PDE1A: variants seen among roughly 807,000 people sequenced by gnomAD.
PDE1A encodes the protein dual specificity calcium/calmodulin-dependent 3',5'-cyclic nucleotide phosphodiesterase 1A.
In PDE1A, 35 loss-of-function variants were observed where a neutral mutation model predicts 61.7. The observed-to-expected ratio is 0.57, with a 90% CI of 0.43 to 0.75. The LOEUF is 0.75. Ranked by LOEUF, PDE1A falls within the 30% of genes least tolerant of loss-of-function variation. PDE1A has a pLI of 0.00. For synonymous variants in PDE1A, 232 were observed against 213.2 expected (o/e 1.09, Z -0.77); for missense variants, 597 against 630.6 (o/e 0.95, Z 0.57).
At chr2:182,239,405 A>G (rs1450080748) in intron 3 of PDE1A, among the ~76,000 whole-genome samples, 1 of 152,130 alleles carries the variant, frequency 6.6e-6, no homozygotes, top group Non-Finnish European at 1.5e-5. Context: ...CAAACATAAA[A>G]TGTCTATTTT....
chr2:182,536,299 T>G, the PDE1A span, among the ~76,000 whole-genome samples: 5 of 152,220 alleles, frequency 3.3e-5, no homozygotes, highest in African/African-American at 1.2e-4. Flanking sequence ...TTTAGGAAAA[T>G]TTTAGTATAT....
chr2:182,516,743 A>AGGAAGGAAGGAAGGAAGGAAGG (rs57365248), intron 2 of PDE1A, among the ~76,000 whole-genome samples: 1 of 121,698 alleles, frequency 8.2e-6, no homozygotes, highest in Non-Finnish European at 1.8e-5. Context: ...GAAGGAAGGA[A>AGGAAGGAAGGAAGGAAGGAAGG]AAAGAGAGAA....
chr2:182,450,664 C>CT (rs1685450555), intron 2 of PDE1A, among the ~76,000 whole-genome samples: 1 of 151,068 alleles, frequency 6.6e-6, no homozygotes, highest in African/African-American at 2.4e-5. Flanking sequence ...CTATTGTTTT[C>CT]TTTTTCAAAT....
chr2:182,656,762 C>A, the PDE1A span, among the ~76,000 whole-genome samples: 6 of 152,152 alleles, frequency 3.9e-5, no homozygotes, highest in Admixed American at 1.3e-4. Context: ...TTCAAAACTA[C>A]ATGCTGGTAT....
At chr2:182,469,087 C>T (rs1381930603) in intron 2 of PDE1A, among the ~76,000 whole-genome samples, 1 of 151,902 alleles carries the variant, frequency 6.6e-6, no homozygotes, top group Non-Finnish European at 1.5e-5. Context: ...TGAGCACTGG[C>T]TCTAACTTAA....
chr2:182,669,811 GC>G, the PDE1A span, among the ~76,000 whole-genome samples: 1 of 152,196 alleles, frequency 6.6e-6, no homozygotes, highest in Non-Finnish European at 1.5e-5. Flanking sequence ...CCCTGAAAAT[GC>G]TCCCATATGG....
At chr2:182,592,698 G>A in the PDE1A span, among the ~76,000 whole-genome samples, 4 of 152,212 alleles carry the variant, frequency 2.6e-5, no homozygotes, top group African/African-American at 7.2e-5. Context: ...CAGCCACATG[G>A]AGGTGTTTTG....
the PDE1A span, among the ~76,000 whole-genome samples, chr2:182,614,418 T>C: frequency 3.3e-5 from 5 of 152,186 alleles, no homozygotes; most frequent in Non-Finnish European, 5.9e-5. Context: ...ATATAAACTC[T>C]ATAAATTTTA....
At chr2:182,234,531 A>C (rs1689853925) in intron 3 of PDE1A, 33 bp from the exon 4 acceptor site, 1 of 1,349,696 alleles carries the variant, frequency 7.4e-7, no homozygotes, top group Non-Finnish European at 1.0e-6. Context: ...TAAATATAAA[A>C]TTCATTTATT....
chr2:182,388,301 A>T (rs1424442186), intron 1 of PDE1A, among the ~76,000 whole-genome samples: 1 of 152,192 alleles, frequency 6.6e-6, no homozygotes. Context: ...AGAAGGAAAC[A>T]TCAAAGTTAA....
At chr2:182,716,769 ACCCCTCT>A in the PDE1A span, among the ~76,000 whole-genome samples, 15 of 151,152 alleles carry the variant, frequency 9.9e-5, no homozygotes, top group Non-Finnish European at 1.6e-4. Flanking sequence ...CTTCATCTTT[ACCCCTCT>A]CCCCTCTCCC....
intron 2 of PDE1A, among the ~76,000 whole-genome samples, chr2:182,452,623 T>C (rs549431371): frequency 7.7e-4 from 117 of 152,264 alleles, no homozygotes; most frequent in African/African-American, 2.7e-3. Flanking sequence ...CTGGAACAGA[T>C]TGTTGCAATG....
chr2:182,179,626 G>A (rs540620004), intron 13 of PDE1A, among the ~76,000 whole-genome samples: 2 of 152,076 alleles, frequency 1.3e-5, no homozygotes, highest in East Asian at 3.9e-4. Flanking sequence ...TAGATGGTAG[G>A]TTTTCTACCT....
At chr2:182,201,307 A>T in intron 10 of PDE1A, 132 bp downstream of exon 10, 1 of 1,123,182 alleles carries the variant, frequency 8.9e-7, no homozygotes, top group Non-Finnish European at 1.3e-6. Context: ...TTTTGCTGAA[A>T]CCCCCAAGAA....
At chr2:182,356,601 T>A (rs531835810) in intron 1 of PDE1A, among the ~76,000 whole-genome samples, 5 of 151,702 alleles carry the variant, frequency 3.3e-5, no homozygotes, top group African/African-American at 1.2e-4. Flanking sequence ...AATACAAAAA[T>A]TAGTGGGGTG....
chr2:182,560,485 C>G, the PDE1A span, among the ~76,000 whole-genome samples: 2 of 151,006 alleles, frequency 1.3e-5, no homozygotes, highest in African/African-American at 4.9e-5. Context: ...TGGGTTGGTT[C>G]CAAGTCTTTG....
chr2:182,172,612 ATT>A (rs1692335010), intron 13 of PDE1A, among the ~76,000 whole-genome samples: 1 of 152,024 alleles, frequency 6.6e-6, no homozygotes, highest in South Asian at 2.1e-4. Flanking sequence ...CTGCAAATGC[ATT>A]TCTCACTTCT....
intron 2 of PDE1A, among the ~76,000 whole-genome samples, chr2:182,250,961 A>G (rs1691355667): frequency 6.6e-6 from 1 of 152,178 alleles, no homozygotes; most frequent in African/African-American, 2.4e-5. Flanking sequence ...GAGAGCTGGG[A>G]TCAAGATTGT....
At chr2:182,201,202 T>C (rs945049823) in intron 10 of PDE1A, among the ~76,000 whole-genome samples, 1 of 152,180 alleles carries the variant, frequency 6.6e-6, no homozygotes, top group African/African-American at 2.4e-5. Context: ...TATTTTTCTT[T>C]CCTGACAGTA....
Sources: allele counts gnomAD v4.1 joint callset (sites outside exome capture counted in the v4.1 genomes callset), GRCh38; gene constraint gnomAD v4.1.1; transcripts MANE v1.5; gene names NCBI Gene and HGNC (gene_info 2026-07-23, HGNC 2026-07-21).